REXO1: variants seen among roughly 807,000 people sequenced by gnomAD.
REXO1 encodes the protein REX1, RNA exonuclease 1 homolog.
In REXO1, 42 loss-of-function variants were observed where a neutral mutation model predicts 102.6. That is an observed-to-expected ratio of 0.41 (90% CI 0.32 to 0.53). The LOEUF (loss-of-function observed/expected upper bound fraction) is 0.53. Ranked by LOEUF, REXO1 falls within the 20% of genes least tolerant of loss-of-function variation. The probability of loss-of-function intolerance (pLI) is 0.27; values close to 1 mark genes in which losing one functional copy is unlikely to be tolerated. For synonymous variants in REXO1, 908 were observed against 779.1 expected (o/e 1.17, Z -2.76); for missense variants, 1,819 against 1,732.5 (o/e 1.05, Z -0.89).
intron 1 of REXO1, among the ~76,000 whole-genome samples, chr19:1,843,474 C>T (rs1461474865): frequency 6.6e-6 from 1 of 152,174 alleles, no homozygotes; most frequent in Non-Finnish European, 1.5e-5. Flanking sequence ...TCCTACAACG[C>T]AAAGGACAGC....
At chr19:1,846,571 A>G (rs1368605823) in intron 1 of REXO1, among the ~76,000 whole-genome samples, 1 of 152,186 alleles carries the variant, frequency 6.6e-6, no homozygotes, top group Non-Finnish European at 1.5e-5. Context: ...CAAATGAGCC[A>G]TTTGGGATGC....
At chr19:1,842,598 C>A (rs1033924510) in intron 1 of REXO1, among the ~76,000 whole-genome samples, 1 of 152,250 alleles carries the variant, frequency 6.6e-6, no homozygotes, top group Non-Finnish European at 1.5e-5. Flanking sequence ...GCTGCCCAGG[C>A]GCTCCGGAAG....
At chr19:1,830,617 G>C in intron 1 of REXO1, 1 of 167,760 alleles carries the variant, frequency 6.0e-6, no homozygotes, top group South Asian at 9.8e-5. Flanking sequence ...TGGCGCCAAA[G>C]ACGTCTGCGT....
At chr19:1,822,117 C>T in intron 4 of REXO1, 1 of 406,436 alleles carries the variant, frequency 2.5e-6, no homozygotes, top group Non-Finnish European at 4.3e-6. Flanking sequence ...AGGGAGGAGG[C>T]CAGGCCTGCA....
At chr19:1,829,453 C>A (rs1599150110) in intron 1 of REXO1, among the ~76,000 whole-genome samples, 1 of 151,904 alleles carries the variant, frequency 6.6e-6, no homozygotes, top group Non-Finnish European at 1.5e-5. Flanking sequence ...TGGCCAGTCT[C>A]GAACTCCTGA....
At chr19:1,845,858 G>A (rs151193557) in intron 1 of REXO1, among the ~76,000 whole-genome samples, 1 of 152,262 alleles carries the variant, frequency 6.6e-6, no homozygotes, top group East Asian at 1.9e-4. Flanking sequence ...CTGCCTTGGT[G>A]CCCTCATCAG....
In REXO1 at chr19:1,827,639, G is replaced by A. The variant is rs2069776317; in HGVS notation, c.1150C>T (p.Pro384Ser). ...GKPKKKKTGA[P>S]PAPSCKDGAQ... Reference sequence around the variant, plus strand: ...CCGTCTTTGCAGCTGGGGGCAGGTGGGGCCCCGGTTTTTTTCTTCTTGGGT... The same window carrying A: ...CCGTCTTTGCAGCTGGGGGCAGGTGAGGCCCCGGTTTTTTTCTTCTTGGGT... Residue 384 changes from proline (P) to serine (S), a missense_variant, in exon 2 of 16, where the codon CCA (proline) becomes TCA (serine). By Grantham distance (74) the Pro-to-Ser change is moderately conservative. Coordinates refer to ENST00000170168, the MANE Select transcript of REXO1 (RefSeq NM_020695.4). The A allele has an allele frequency of 6.4e-7, 1 of 1,571,760 alleles. No individual in the cohort carries two copies. The highest frequency in any genetic ancestry group is 1.4e-5 in the African/African-American group (1 of 72,492).
At chr19:1,832,617 A>C (rs541968508) in intron 1 of REXO1, among the ~76,000 whole-genome samples, 1 of 150,888 alleles carries the variant, frequency 6.6e-6, no homozygotes, top group South Asian at 2.1e-4. Flanking sequence ...TCATCCCAGC[A>C]CGGTGGCTCA....
In REXO1 at chr19:1,815,781, T is replaced by G; in HGVS notation, c.*285A>C. The G allele has an allele frequency of 7.0e-7, 1 of 1,433,612 alleles. No homozygotes were observed. The highest frequency in any genetic ancestry group is 9.2e-7 in the Non-Finnish European group (1 of 1,083,800). The allele number at this position is 1,433,612 out of a possible 1,614,324, so 88.8% of individuals were successfully genotyped here. On this transcript the variant is annotated 3_prime_UTR_variant, in exon 16 of 16. Transcript: ENST00000170168. This position sits in a 1 kb window ranked among gnomAD's most constrained non-coding sequence, Gnocchi z 4.0. ...GCCTGGCAGGAGGGGCAGGAGGGGC[T>G]GCGGGCCGGGTGGGGGCGGGCTCTG...
chr19:1,845,832 A>G (rs2011512457), intron 1 of REXO1, among the ~76,000 whole-genome samples: 1 of 152,142 alleles, frequency 6.6e-6, no homozygotes, highest in African/African-American at 2.4e-5. Context: ...AGCTCCGCCA[A>G]GCCTCCCAAC....
chr19:1,838,745 C>T (rs1314291390), intron 1 of REXO1, among the ~76,000 whole-genome samples: 3 of 152,094 alleles, frequency 2.0e-5, no homozygotes, highest in Non-Finnish European at 2.9e-5. Flanking sequence ...GGGACCTTCT[C>T]CCCCTATGCC....
chr19:1,820,199 T>C, intron 6 of REXO1, 65 bp downstream of exon 6: 1 of 1,567,558 alleles, frequency 6.4e-7, no homozygotes, highest in Non-Finnish European at 8.6e-7. Context: ...CCGGGGGATG[T>C]CTGGGGACCA....
chr19:1,829,638 G>A (rs1404960856), intron 1 of REXO1, among the ~76,000 whole-genome samples: 1 of 151,778 alleles, frequency 6.6e-6, no homozygotes, highest in Non-Finnish European at 1.5e-5. Context: ...GAGAAACCCC[G>A]TCTCTACTAA....
Position 1,818,599 on chromosome 19 carries a change from T to C in REXO1, c.2903-4A>G, listed in dbSNP as rs373145291. 7 of 1,609,306 alleles carry C rather than the reference T, an allele frequency of 4.3e-6. No homozygotes were observed. Among genetic ancestry groups the C allele is most frequent in the Non-Finnish European group, 5.1e-6 (6 of 1,178,684 alleles). Reference sequence around the variant, plus strand: ...CGGCAGCAGGTCCTGCAGGAAGCTGTGGGTGGGGACCCAGGTGGAAGCTGA... The same window carrying C: ...CGGCAGCAGGTCCTGCAGGAAGCTGCGGGTGGGGACCCAGGTGGAAGCTGA... On this transcript the variant is annotated splice_region_variant and splice_polypyrimidine_tract_variant and intron_variant, in intron 9 of 15. Transcript: ENST00000170168.
chr19:1,833,661 G>A (rs958786460), intron 1 of REXO1, among the ~76,000 whole-genome samples: 3 of 152,152 alleles, frequency 2.0e-5, no homozygotes, highest in Non-Finnish European at 2.9e-5. Flanking sequence ...GCGCCCTCCC[G>A]GCCCACTTCA....
Position 1,816,817 on chromosome 19 carries a change from CG to C in REXO1, c.3202-5del, listed in dbSNP as rs1257416267. 6.2e-7 allele frequency: 1 copy of C among 1,606,558 alleles called. No homozygotes were observed. The highest frequency in any genetic ancestry group is 1.3e-5 in the African/African-American group (1 of 74,690). On this transcript the variant is annotated splice_region_variant and splice_polypyrimidine_tract_variant and intron_variant, in intron 12 of 15. Transcript: ENST00000170168. ...CCAGGCCATATGTGGTGTAGGACTG[CG>C]GGCAAGGGATGCACCTCAGATGTGT...
intron 1 of REXO1, among the ~76,000 whole-genome samples, chr19:1,846,500 C>T (rs776522977): frequency 1.3e-5 from 2 of 152,140 alleles, no homozygotes; most frequent in African/African-American, 2.4e-5. Flanking sequence ...CCCATAGGAA[C>T]GGGGGGCAGA....
chr19:1,824,906 C>G (rs1376743934), intron 3 of REXO1, among the ~76,000 whole-genome samples: 6 of 152,086 alleles, frequency 3.9e-5, no homozygotes, highest in African/African-American at 7.2e-5. Context: ...CTGCCTCAGC[C>G]TCCCGAGTAG....
chr19:1,818,413 G>A (rs1568681158), intron 10 of REXO1, 69 bp downstream of exon 10: 6 of 1,187,772 alleles, frequency 5.1e-6, no homozygotes, highest in Non-Finnish European at 7.3e-6. Flanking sequence ...CAGTTCTGGG[G>A]GCCTCAAGGG....
Sources: gnomAD v4.1 joint callset for allele counts (sites outside exome capture counted in the v4.1 genomes callset) on GRCh38, gnomAD v4.1.1 for gene constraint, Gnocchi (gnomAD v3.1) non-coding constraint, MANE v1.5 for transcripts, NCBI Gene and HGNC (gene_info 2026-07-23, HGNC 2026-07-21) for gene names.